Variants in ZNF638 observed in about 807,000 individuals in gnomAD.
ZNF638 encodes CTCL tumor antigen se33-1.
In ZNF638, 46 loss-of-function variants were observed where a neutral mutation model predicts 195.6. That is an observed-to-expected ratio of 0.24 (90% CI 0.19 to 0.30). The LOEUF is 0.30. ZNF638 is among the 10% of genes least tolerant of loss of function. ZNF638 has a pLI of 1.00. For missense variants in ZNF638, 2,440 were observed against 2,325.3 expected (o/e 1.05, Z -1.01); for synonymous variants, 845 against 772.0 (o/e 1.09, Z -1.57).
intron 1 of ZNF638, among the ~76,000 whole-genome samples, chr2:71,333,253 C>G (rs568880853): frequency 6.6e-6 from 1 of 152,272 alleles, no homozygotes; most frequent in South Asian, 2.1e-4. Flanking sequence ...ATATGTACTT[C>G]TAAATAATTA....
chr2:71,331,789 G>A lies in ZNF638; in HGVS notation c.-289G>A, dbSNP rs1427261358. The A allele has an allele frequency of 7.1e-6, 7 of 985,982 alleles. No individual in the cohort carries two copies. Among genetic ancestry groups the A allele is most frequent in the Admixed American group, 6.1e-5 (1 of 16,278 alleles). 61.1% of individuals were successfully genotyped at this position (985,982 alleles called of 1,614,324 possible). ...GCATGCGTGCAGCTCTTTGGAGGCG[G>A]TAGCGTTTTCGGCGTCGAGACTGGA... On this transcript the variant is annotated 5_prime_UTR_variant, in exon 1 of 28. Transcript: ENST00000264447.
intron 20 of ZNF638, among the ~76,000 whole-genome samples, chr2:71,409,246 T>C (rs1199225331): frequency 2.0e-5 from 3 of 152,176 alleles, no homozygotes; most frequent in Admixed American, 2.0e-4. Context: ...ATAACACATA[T>C]GGCTTATTTG....
Position 71,396,143 on chromosome 2 carries a change from A to G in ZNF638, c.2380A>G (p.Lys794Glu). 6.2e-7 allele frequency: 1 copy of G among 1,612,834 alleles called. No homozygotes were observed. Among genetic ancestry groups the G allele is most frequent in the Non-Finnish European group, 8.5e-7 (1 of 1,179,616 alleles). ...AAATGTTTTTCTTGTTGTTTTAGCCAAAACTGGACAAGCCAAGGCATCTGT... is the reference window on the plus strand; with the variant it reads ...AAATGTTTTTCTTGTTGTTTTAGCCGAAACTGGACAAGCCAAGGCATCTGT... ...VEIVTSTSAA[K>E]TGQAKASVAK... The change falls in exon 11 of 28, where the codon AAA becomes GAA. Residue 794 changes from lysine to glutamate, a missense_variant and splice_region_variant. By Grantham distance (56) the Lys-to-Glu change is moderately conservative. Around this residue, in one of 5 missense-constraint regions of ZNF638, gnomAD observed 1,883 missense variants for 1,739.1 expected, o/e 1.08. Transcript: ENST00000264447.
intron 20 of ZNF638, among the ~76,000 whole-genome samples, chr2:71,411,450 T>A (rs1366570093): frequency 2.2e-5 from 2 of 91,360 alleles, no homozygotes; most frequent in African/African-American, 3.3e-5. Context: ...ATTTTTTTTA[T>A]TTATTTTTTA....
intron 27 of ZNF638, among the ~76,000 whole-genome samples, chr2:71,434,294 C>T (rs953125143): frequency 1.3e-5 from 2 of 152,180 alleles, no homozygotes; most frequent in Admixed American, 6.5e-5. Context: ...GTCCTACTCG[C>T]ATGGCCAGTT....
At chr2:71,342,562 A>G (rs1409374491) in intron 1 of ZNF638, among the ~76,000 whole-genome samples, 4 of 152,228 alleles carry the variant, frequency 2.6e-5, no homozygotes, top group Admixed American at 6.5e-5. Flanking sequence ...AAAGTTTATA[A>G]TAGCCAAAGA....
intron 13 of ZNF638, among the ~76,000 whole-genome samples, chr2:71,399,868 T>G (rs571175752): frequency 6.6e-6 from 1 of 152,312 alleles, no homozygotes; most frequent in South Asian, 2.1e-4. Context: ...CCCCAGTGTG[T>G]TGTTTCCCTC....
intron 10 of ZNF638, chr2:71,393,779 C>T: frequency 3.2e-6 from 2 of 621,402 alleles, no homozygotes; most frequent in South Asian, 1.9e-5. Flanking sequence ...ACCCCCTTCC[C>T]AGCCTCTAAT....
chr2:71,430,781 G>C (rs536179844), intron 25 of ZNF638, among the ~76,000 whole-genome samples: 1 of 152,160 alleles, frequency 6.6e-6, no homozygotes, highest in Non-Finnish European at 1.5e-5. Context: ...CTTCATTTTT[G>C]TCTGTCCCCA....
chr2:71,412,752 GT>G (rs2080252294), intron 20 of ZNF638, among the ~76,000 whole-genome samples: 1 of 71,362 alleles, frequency 1.4e-5, no homozygotes, highest in Non-Finnish European at 2.6e-5. Flanking sequence ...CCCATTGCTT[GT>G]TTTTCTCAGG....
At chr2:71,378,164 A>G (rs78504315) in intron 8 of ZNF638, among the ~76,000 whole-genome samples, 6,479 of 152,312 alleles carry the variant, frequency 0.043, 315 homozygotes, top group African/African-American at 0.11. Context: ...TTTATAAAAT[A>G]AATTTCAAAA....
Position 71,344,031 on chromosome 2 carries a change from G to A in ZNF638, c.-202-4722G>A, listed in dbSNP as rs796775045. On this transcript the variant is annotated intron_variant, in intron 1 of 27. Coordinates refer to ENST00000264447, the MANE Select transcript of ZNF638 (RefSeq NM_014497.5). ...TGTAGTCCCAGCTACTCAGGAGGGC[G>A]AGACAGGAGAATTGCTTGAACCTGG... Among the ~76,000 whole-genome samples the A allele has an allele frequency of 2.1e-4, 32 of 152,342 alleles. 1 individual carries two copies. Among genetic ancestry groups the A allele is most frequent in the African/African-American group, 7.2e-4 (30 of 41,582 alleles).
rs1254025232 is a variant in ZNF638, at chr2:71,408,255, T to G, written c.3261+8T>G. ...AAGATAGACTTACCAGAGGTAAGAT[T>G]TATCTTTCTTCAGCTTTTGTGATTT... On this transcript the variant is annotated splice_region_variant and intron_variant, in intron 20 of 27. Coordinates refer to ENST00000264447, the MANE Select transcript of ZNF638 (RefSeq NM_014497.5). 1.9e-6 allele frequency: 3 copies of G among 1,605,988 alleles called. No homozygotes were observed. The highest frequency in any genetic ancestry group is 2.5e-6 in the Non-Finnish European group (3 of 1,177,560).
intron 20 of ZNF638, among the ~76,000 whole-genome samples, chr2:71,411,810 A>AT (rs1199365421): frequency 4.9e-5 from 2 of 40,952 alleles, no homozygotes; most frequent in Non-Finnish European, 9.6e-5. Context: ...TGAACTCATC[A>AT]TTTTTTATGG....
intron 1 of ZNF638, among the ~76,000 whole-genome samples, chr2:71,337,354 C>T (rs932622264): frequency 1.1e-4 from 16 of 152,062 alleles, no homozygotes; most frequent in Non-Finnish European, 4.4e-5. Flanking sequence ...TGTGTATTTC[C>T]TAAAAATATT....
At chr2:71,355,248 G>T (rs530271041) in intron 2 of ZNF638, among the ~76,000 whole-genome samples, 1 of 152,144 alleles carries the variant, frequency 6.6e-6, no homozygotes, top group Non-Finnish European at 1.5e-5. Context: ...GAGCCACTGC[G>T]CCCGGCGGCA....
intron 2 of ZNF638, among the ~76,000 whole-genome samples, chr2:71,353,019 G>A (rs1277739430): frequency 6.6e-6 from 1 of 152,162 alleles, no homozygotes; most frequent in Non-Finnish European, 1.5e-5. Context: ...AGGGATTTGT[G>A]AAGATGGATT....
At chr2:71,352,495 TAAAAAA>T (rs58110916) in intron 2 of ZNF638, among the ~76,000 whole-genome samples, 2 of 134,630 alleles carry the variant, frequency 1.5e-5, no homozygotes, top group Non-Finnish European at 3.2e-5. Flanking sequence ...ATAAAAAAAA[TAAAAAA>T]AAAAAAAAAG....
intron 13 of ZNF638, 42 bp downstream of exon 13, chr2:71,399,687 C>CTTT: frequency 6.6e-7 from 1 of 1,524,006 alleles, no homozygotes; most frequent in Non-Finnish European, 9.0e-7. Flanking sequence ...GTTTTCTTTT[C>CTTT]TTTTTTTTAA....
Sources: allele counts gnomAD v4.1 joint callset (sites outside exome capture counted in the v4.1 genomes callset), GRCh38; gene constraint gnomAD v4.1.1; regional missense constraint gnomAD v4.1.1; transcripts MANE v1.5; gene names NCBI Gene and HGNC (gene_info 2026-07-23, HGNC 2026-07-21).